The following IKZF4 variants were observed in gnomAD, a reference collection of about 807,000 sequenced individuals.
IKZF4 encodes the protein IKAROS family zinc finger 4, also known as zinc finger protein Eos.
A neutral mutation model predicts 47.7 loss-of-function variants in IKZF4; 11 were observed. The ratio of observed to expected loss-of-function variants is 0.23; its 90% CI spans 0.15 to 0.38. IKZF4 has a LOEUF of 0.38. Ranked by LOEUF, IKZF4 falls within the 10% of genes least tolerant of loss-of-function variation. The pLI is 1.00. For synonymous variants in IKZF4, 298 were observed against 299.4 expected, an observed-to-expected ratio of 1.00 and a Z score of 0.05; for missense variants, 557 against 784.9, an observed-to-expected ratio of 0.71 and a Z score of 3.47.
Position 56,027,921 on chromosome 12 carries a change from T to TC in IKZF4, c.690dup (p.Thr231HisfsTer21). The stretch of plus-strand genomic sequence containing the variant: ...TATGCCTGCCGCCGGCGTGATGCAC[T>TC]CACTGGTCACCTCCGCACACACTCA... On this transcript the variant is annotated frameshift_variant, in exon 5 of 8. Coordinates refer to ENST00000547167, the MANE Select transcript of IKZF4 (RefSeq NM_022465.4). LOFTEE classifies it high-confidence loss of function. 6.3e-7 allele frequency: 1 copy of TC among 1,580,248 alleles called. No homozygotes were observed. Among genetic ancestry groups the TC allele is most frequent in the Non-Finnish European group, 8.6e-7 (1 of 1,163,172 alleles).
intron 1 of IKZF4, chr12:56,007,789 C>CG (rs1403675844): frequency 7.9e-6 from 1 of 127,058 alleles, no homozygotes; most frequent in Non-Finnish European, 1.7e-5. Flanking sequence ...CCTCGGTAGC[C>CG]GGGGGCGGGG....
chr12:56,020,330 G>A (rs1200848039), upstream of IKZF4, among the ~76,000 whole-genome samples: 16 of 152,240 alleles, frequency 1.1e-4, no homozygotes, highest in Admixed American at 1.0e-3. Flanking sequence ...ATAAGCAGGA[G>A]TCTATTAATT....
Position 56,034,992 on chromosome 12 carries a change from C to G in IKZF4, c.1419C>G (p.Leu473=). The G allele has an allele frequency of 6.4e-7, 1 of 1,557,280 alleles. No individual in the cohort carries two copies. Among genetic ancestry groups the G allele is most frequent in the Non-Finnish European group, 8.7e-7 (1 of 1,149,420 alleles). ...ATCGGGTTGCGGGGGTGGTATCCCT[C>G]CCTCAGGGTCCCCCACCCCAGCCAC... ...HEDRVAGVVS[L]PQGPPPQPPP... is the part of the protein sequence containing the mutation. Residue 473 remains leucine (L), a synonymous_variant, in exon 8 of 8, where the codon CTC becomes CTG. Transcript: ENST00000547167.
At chr12:56,017,928 T>A (rs557712508), upstream of IKZF4, among the ~76,000 whole-genome samples, 3 of 152,260 alleles carry the variant, frequency 2.0e-5, no homozygotes, top group Middle Eastern at 3.4e-3. Flanking sequence ...GCTCGAGTGA[T>A]CCTCCCACCT....
Position 56,035,739 on chromosome 12 carries a change from T to A in IKZF4, c.*408T>A. 6.0e-6 allele frequency: 1 copy of A among 167,996 alleles called. No individual in the cohort carries two copies. The highest frequency in any genetic ancestry group is 5.6e-5 in the Admixed American group (1 of 17,810). 10.4% of individuals were successfully genotyped at this position (167,996 alleles called of 1,614,324 possible). A position where few individuals can be genotyped will look rare whatever the true frequency, so the allele number is the denominator to read the frequency against. ...CCCAGGGGTAGGAAGCTCCTCTTAG[T>A]ACTAAGAGACTTCAAGCTTCTTGCT... On this transcript the variant is annotated 3_prime_UTR_variant, in exon 8 of 8. Transcript: ENST00000547167. The surrounding 1 kb of genome is among the most constrained non-coding windows in gnomAD (Gnocchi z 6.1).
At chr12:56,022,291 C>T (rs1230055127) in intron 1 of IKZF4, among the ~76,000 whole-genome samples, 3 of 152,188 alleles carry the variant, frequency 2.0e-5, no homozygotes, top group Admixed American at 2.0e-4. Flanking sequence ...TCCTTTCTCT[C>T]CCTCCTGCTT....
chr12:56,013,448 A>G (rs1891588690), intron 2 of IKZF4, among the ~76,000 whole-genome samples: 1 of 152,120 alleles, frequency 6.6e-6, no homozygotes, highest in Non-Finnish European at 1.5e-5. Context: ...TGCTTGCCTC[A>G]GCCTCCCAGA....
rs1037119515 is a variant in IKZF4 at position 56,037,985 on chromosome 12, T to C, written c.*2654T>C. The C allele has an allele frequency of 1.3e-5, 2 of 151,706 alleles. No individual in the cohort carries two copies. Among genetic ancestry groups the C allele is most frequent in the African/African-American group, 4.8e-5 (2 of 41,368 alleles). The allele number at this position is 151,706 out of a possible 1,614,324, so 9.4% of individuals were successfully genotyped here. ...GACACTTTTCCAGACCTTTGTTTTT[T>C]TGTGTCAGTGTCCAAGCTGCAGATA... On this transcript the variant is annotated 3_prime_UTR_variant, in exon 8 of 8. Coordinates refer to ENST00000547167, the MANE Select transcript of IKZF4 (RefSeq NM_022465.4).
rs1377915217 is a variant in IKZF4 at position 56,037,918 on chromosome 12, T to A, written c.*2587T>A. The stretch of plus-strand genomic sequence containing the variant: ...AGAAAAGAGGTGTTTCCTTTTATAT[T>A]GCTATTCAAAATCAATACCACCAAC... On this transcript the variant is annotated 3_prime_UTR_variant, in exon 8 of 8. Coordinates refer to ENST00000547167, the MANE Select transcript of IKZF4 (RefSeq NM_022465.4). 6.6e-6 allele frequency: 1 copy of A among 152,040 alleles called. No individual in the cohort carries two copies. Among genetic ancestry groups the A allele is most frequent in the Non-Finnish European group, 1.5e-5 (1 of 68,006 alleles). 9.4% of individuals were successfully genotyped at this position (152,040 alleles called of 1,614,324 possible). A position where few individuals can be genotyped will look rare whatever the true frequency, so the allele number is the denominator to read the frequency against.
At chr12:56,021,887 G>C in intron 1 of IKZF4, 2 of 438,366 alleles carry the variant, frequency 4.6e-6, no homozygotes, top group South Asian at 5.5e-5. Context: ...GTGAAATGCC[G>C]AGACAGGCCT....
upstream of IKZF4, among the ~76,000 whole-genome samples, chr12:56,017,398 C>T (rs1174890765): frequency 6.6e-6 from 1 of 151,912 alleles, no homozygotes; most frequent in Non-Finnish European, 1.5e-5. Flanking sequence ...TTTCCTGTCA[C>T]CCTCCCTCAC....
At chr12:56,021,804 CG>C (rs1893057054) in intron 1 of IKZF4, 3 of 659,496 alleles carry the variant, frequency 4.5e-6, no homozygotes, top group Non-Finnish European at 7.6e-6. Flanking sequence ...TAAGCAAAGA[CG>C]GCGACTTGGA....
At chr12:56,025,342 G>C (rs1893785621) in intron 3 of IKZF4, among the ~76,000 whole-genome samples, 184 bp downstream of exon 3, 1 of 152,228 alleles carries the variant, frequency 6.6e-6, no homozygotes, top group Non-Finnish European at 1.5e-5. Flanking sequence ...AGAGTGAATA[G>C]TCAGTCACTG....
chr12:56,018,070 A>G, upstream of IKZF4: 97 of 1,019,876 alleles, frequency 9.5e-5, no homozygotes, highest in Non-Finnish European at 1.3e-4. Context: ...ATTAAAGAAA[A>G]GCCTCCTCCC....
At chr12:56,028,096 C>A in intron 5 of IKZF4, 149 bp downstream of exon 5, 1 of 840,170 alleles carries the variant, frequency 1.2e-6, no homozygotes, top group Non-Finnish European at 1.7e-6. Context: ...CCCTGCCTCT[C>A]TCACCCATCC....
At chr12:56,026,022 G>A (rs1189032217) in intron 3 of IKZF4, among the ~76,000 whole-genome samples, 4 of 152,104 alleles carry the variant, frequency 2.6e-5, no homozygotes, top group Non-Finnish European at 5.9e-5. Context: ...TGCAACCTCC[G>A]CCTCCCAAGT....
chr12:56,017,370 TCTC>T (rs1234747615), upstream of IKZF4, among the ~76,000 whole-genome samples: 3 of 151,812 alleles, frequency 2.0e-5, no homozygotes, highest in African/African-American at 2.4e-5. Context: ...AGTGGGCTGC[TCTC>T]CTCCATCTTC....
chr12:56,010,261 T>C (rs1053075921), intron 1 of IKZF4: 3 of 152,194 alleles, frequency 2.0e-5, no homozygotes, highest in African/African-American at 4.8e-5. Flanking sequence ...AGAAGAGTTA[T>C]GGACTCTGTT....
In IKZF4 at chr12:56,026,636, C is replaced by A. The variant is rs1176759341; in HGVS notation, c.287-145C>A. On this transcript the variant is annotated intron_variant, in intron 3 of 7. Coordinates refer to ENST00000547167, the MANE Select transcript of IKZF4 (RefSeq NM_022465.4). ...TCTGGGAGGTGGAGGTTGCGTCGAG[C>A]CAAATTCGTGCCACTGCACTCCAGC... 7.2e-6 allele frequency: 6 copies of A among 835,284 alleles called. No homozygotes were observed. In the African/African-American group the frequency reaches 7.2e-5, roughly 10 times the overall value. The allele number at this position is 835,284 out of a possible 1,614,324, so 51.7% of individuals were successfully genotyped here.
Sources: gnomAD v4.1 joint callset for allele counts (sites outside exome capture counted in the v4.1 genomes callset) on GRCh38, gnomAD v4.1.1 for gene constraint, Gnocchi (gnomAD v3.1) non-coding constraint, MANE v1.5 for transcripts, NCBI Gene and HGNC (gene_info 2026-07-23, HGNC 2026-07-21) for gene names.